The following STAB2 variants were observed in gnomAD, a reference collection of about 807,000 sequenced individuals.
STAB2 encodes the protein stabilin 2, also known as stabilin-2.
Under a neutral mutation model 338.1 loss-of-function variants are expected in STAB2, and 288 were observed. The ratio of observed to expected loss-of-function variants is 0.85; its 90% CI spans 0.77 to 0.94. STAB2 has a LOEUF of 0.94. STAB2 is among the 40% of genes least tolerant of loss of function. STAB2 has a pLI of 0.00. For synonymous variants in STAB2, 1,202 were observed against 1,193.3 expected (o/e 1.01, Z -0.15); for missense variants, 3,141 against 3,210.1 (o/e 0.98, Z 0.52).
chr12:103,589,601 G>A lies in STAB2; in HGVS notation c.82-1296G>A, dbSNP rs753262728. ...TAAGAATCAGGTGTCTTTTAATGGA[G>A]TGCAAAAACCAACAAAATGTGCTCC... On this transcript the variant is annotated intron_variant, in intron 1 of 68. Coordinates refer to ENST00000388887, the MANE Select transcript of STAB2 (RefSeq NM_017564.10). Among the ~76,000 whole-genome samples, 27 of 152,318 alleles carry A rather than the reference G, an allele frequency of 1.8e-4. No individual in the cohort carries two copies. The Middle Eastern group carries it at 0.01, about 58-fold the overall frequency.
intron 66 of STAB2, 43 bp downstream of exon 66, chr12:103,761,453 G>A (rs1200171010): frequency 2.2e-5 from 35 of 1,556,904 alleles, no homozygotes; most frequent in African/African-American, 9.5e-5. Context: ...GAGGAGCCCC[G>A]GTGCCCACTC....
At chr12:103,689,804 C>T (rs1331242040) in intron 28 of STAB2, 42 bp from the exon 29 acceptor site, 2 of 1,597,218 alleles carry the variant, frequency 1.3e-6, no homozygotes, top group South Asian at 1.1e-5. Flanking sequence ...CTGTTTGTCC[C>T]CTAACATAAG....
intron 24 of STAB2, among the ~76,000 whole-genome samples, chr12:103,676,733 C>T (rs1339472913): frequency 6.6e-6 from 1 of 152,170 alleles, no homozygotes; most frequent in Non-Finnish European, 1.5e-5. Context: ...ACCTTCATTC[C>T]TTACCTATGG....
At chr12:103,676,058 C>CTTT (rs35874368) in intron 24 of STAB2, 37 bp downstream of exon 24, 19,845 of 664,044 alleles carry the variant, frequency 0.03, 43 homozygotes, top group South Asian at 0.059. Flanking sequence ...TGCCTGGTTT[C>CTTT]TTTTTTTTTT....
chr12:103,597,462 C>T (rs1399313801), intron 3 of STAB2, among the ~76,000 whole-genome samples: 3 of 152,142 alleles, frequency 2.0e-5, no homozygotes, highest in Non-Finnish European at 2.9e-5. Flanking sequence ...ATTGGGAAAT[C>T]ACCCTATGGT....
chr12:103,713,752 T>C lies in STAB2; in HGVS notation c.4521T>C (p.Asp1507=), dbSNP rs1355787238. ...VCTCKAGYTG[D]GIVCLEINPC... The stretch of plus-strand genomic sequence containing the variant: ...CGTGCAAAGCAGGCTACACGGGTGA[T>C]GGCATTGTGTGCCTGGGTAGGTGTC... The change falls in exon 42 of 69, where the codon GAT becomes GAC. Residue 1507 remains aspartate (D), a synonymous_variant. Transcript: ENST00000388887. The C allele has an allele frequency of 1.2e-6, 2 of 1,613,792 alleles. No homozygotes were observed. Among genetic ancestry groups the C allele is most frequent in the Non-Finnish European group, 1.7e-6 (2 of 1,179,864 alleles).
intron 3 of STAB2, among the ~76,000 whole-genome samples, chr12:103,611,241 C>G (rs1303281743): frequency 6.6e-6 from 1 of 152,104 alleles, no homozygotes; most frequent in African/African-American, 2.4e-5. Context: ...CCTGGATATC[C>G]TTGTTAACTT....
At chr12:103,734,240 A>AAGGAGCAAGCATGATCACAT (rs1881909675) in intron 51 of STAB2, among the ~76,000 whole-genome samples, 1 of 146,966 alleles carries the variant, frequency 6.8e-6, no homozygotes, top group African/African-American at 2.5e-5. Flanking sequence ...AAACATCATA[A>AAGGAGCAAGCATGATCACAT]AGGAGCAAGC....
chr12:103,699,248 ACCCCAGCAATG>A, intron 34 of STAB2, 21 bp downstream of exon 34: 1 of 1,593,874 alleles, frequency 6.3e-7, no homozygotes. Context: ...TTTATGTAAA[ACCCCAGCAATG>A]CCACCGAGAA....
intron 6 of STAB2, among the ~76,000 whole-genome samples, chr12:103,632,140 G>C (rs1259745855): frequency 3.3e-5 from 5 of 152,170 alleles, no homozygotes; most frequent in Non-Finnish European, 5.9e-5. Context: ...TTCACCAAAG[G>C]CCACACAACT....
chr12:103,765,369 C>A (rs1286305046), intron 68 of STAB2, among the ~76,000 whole-genome samples: 1 of 152,196 alleles, frequency 6.6e-6, no homozygotes, highest in Non-Finnish European at 1.5e-5. Flanking sequence ...TTCCAGAATC[C>A]TAAGCATAAG....
At chr12:103,713,931 A>G (rs1880090981) in intron 42 of STAB2, among the ~76,000 whole-genome samples, 163 bp downstream of exon 42, 1 of 152,276 alleles carries the variant, frequency 6.6e-6, no homozygotes, top group Non-Finnish European at 1.5e-5. Flanking sequence ...ACCACAGGGT[A>G]TGAAGGCATG....
intron 4 of STAB2, 139 bp from the exon 5 acceptor site, chr12:103,621,903 A>G: frequency 1.4e-6 from 1 of 728,518 alleles, no homozygotes; most frequent in South Asian, 1.9e-5. Context: ...TAACACAAAT[A>G]AACAGAAAGA....
At chr12:103,754,845 T>C (rs549204671) in intron 61 of STAB2, among the ~76,000 whole-genome samples, 3 of 151,064 alleles carry the variant, frequency 2.0e-5, no homozygotes, top group South Asian at 2.1e-4. Context: ...ACCCAGGAGG[T>C]TGAGACAGGA....
chr12:103,687,956 T>G (rs1329837700), intron 27 of STAB2, among the ~76,000 whole-genome samples: 1 of 152,208 alleles, frequency 6.6e-6, no homozygotes, highest in Non-Finnish European at 1.5e-5. Flanking sequence ...CACCTTAGTG[T>G]GAAAGAAATG....
intron 25 of STAB2, among the ~76,000 whole-genome samples, chr12:103,681,841 G>A (rs555127322): frequency 4.6e-5 from 7 of 151,694 alleles, no homozygotes; most frequent in Non-Finnish European, 1.0e-4. Context: ...GGATGGTCTC[G>A]ATGTCTTCAC....
chr12:103,617,746 C>G lies in STAB2; in HGVS notation c.332-2722C>G, dbSNP rs73394064. On this transcript the variant is annotated intron_variant, in intron 3 of 68. Coordinates refer to ENST00000388887, the MANE Select transcript of STAB2 (RefSeq NM_017564.10). ...TCTCCCCCTTCCCTTGCCCCACAAA[C>G]ATGCCTGTTACCTGAGCTGTTGTCC... Among the ~76,000 whole-genome samples, 1,114 of 152,320 alleles carry G rather than the reference C, an allele frequency of 7.3e-3. 8 individuals are homozygous for G. Among genetic ancestry groups the G allele is most frequent in the African/African-American group, 0.025 (1,047 of 41,566 alleles).
At chr12:103,620,671 A>G in intron 4 of STAB2, 118 bp downstream of exon 4, 1 of 892,184 alleles carries the variant, frequency 1.1e-6, no homozygotes, top group Admixed American at 2.7e-5. Flanking sequence ...ACACACATAT[A>G]CAGCGAAGTT....
intron 60 of STAB2, among the ~76,000 whole-genome samples, chr12:103,752,575 T>C (rs1277835697): frequency 1.3e-5 from 2 of 152,186 alleles, no homozygotes; most frequent in Non-Finnish European, 2.9e-5. Context: ...GGGAAATGAA[T>C]TTTTAAAACT....
Sources: gnomAD v4.1 joint callset for allele counts (sites outside exome capture counted in the v4.1 genomes callset) on GRCh38, gnomAD v4.1.1 for gene constraint, MANE v1.5 for transcripts, NCBI Gene and HGNC (gene_info 2026-07-23, HGNC 2026-07-21) for gene names.